The following ALK variants were observed in gnomAD, a reference collection of about 807,000 sequenced individuals.
ALK encodes ALK receptor tyrosine kinase.
In ALK, 74 loss-of-function variants were observed where a neutral mutation model predicts 163.1. That is an observed-to-expected ratio of 0.45 (90% CI 0.38 to 0.55). ALK has a LOEUF of 0.55. Ranked by LOEUF, ALK falls within the 20% of genes least tolerant of loss-of-function variation. ALK has a pLI of 0.00. For synonymous variants in ALK, 960 were observed against 843.2 expected (o/e 1.14, Z -2.40); for missense variants, 2,063 against 2,105.3 (o/e 0.98, Z 0.39).
intron 4 of ALK, among the ~76,000 whole-genome samples, chr2:29,457,899 C>T (rs1023315365): frequency 6.6e-6 from 1 of 152,124 alleles, no homozygotes; most frequent in Non-Finnish European, 1.5e-5. Flanking sequence ...TTCACACATA[C>T]TTTTCTCCTG....
At chr2:29,870,564 GAAATAGTTAAGC>G (rs1369802118) in intron 1 of ALK, among the ~76,000 whole-genome samples, 1 of 151,770 alleles carries the variant, frequency 6.6e-6, no homozygotes, top group Non-Finnish European at 1.5e-5. Flanking sequence ...CACCATTAAA[GAAATAGTTAAGC>G]AAATTATGAT....
At chr2:29,729,135 T>C (rs1351462204) in intron 1 of ALK, among the ~76,000 whole-genome samples, 1 of 152,210 alleles carries the variant, frequency 6.6e-6, no homozygotes. Flanking sequence ...CCCCTCGCTC[T>C]GAAACCTGAA....
intron 4 of ALK, among the ~76,000 whole-genome samples, chr2:29,505,686 C>T (rs1672299644): frequency 6.6e-6 from 1 of 151,778 alleles, no homozygotes; most frequent in African/African-American, 2.4e-5. Context: ...TAAATGGGTG[C>T]AGGGCAGCCC....
intron 1 of ALK, among the ~76,000 whole-genome samples, chr2:29,871,097 T>A (rs1415486500): frequency 6.6e-6 from 1 of 152,188 alleles, no homozygotes. Context: ...TCAACACGCA[T>A]GAACCTTGGT....
At chr2:29,456,033 AAAC>A (rs1172962123) in intron 4 of ALK, among the ~76,000 whole-genome samples, 3 of 152,160 alleles carry the variant, frequency 2.0e-5, no homozygotes, top group African/African-American at 4.8e-5. Flanking sequence ...TATTATCAAT[AAAC>A]AACAACAACA....
intron 2 of ALK, among the ~76,000 whole-genome samples, chr2:29,715,719 A>G (rs976044862): frequency 2.0e-5 from 3 of 152,248 alleles, no homozygotes; most frequent in Non-Finnish European, 2.9e-5. Flanking sequence ...TGTTACCTGA[A>G]GACCAGTTGT....
intron 3 of ALK, among the ~76,000 whole-genome samples, chr2:29,582,088 T>C (rs992938178): frequency 7.9e-5 from 12 of 152,166 alleles, no homozygotes; most frequent in African/African-American, 2.9e-4. Context: ...GACAAAGAAA[T>C]ATCTCCCACT....
At chr2:29,408,248 A>AT (rs538076266) in intron 4 of ALK, among the ~76,000 whole-genome samples, 1,758 of 140,954 alleles carry the variant, frequency 0.012, 31 homozygotes, top group African/African-American at 0.035. Flanking sequence ...ACACCTGGCT[A>AT]TTTTTTTTTT....
chr2:29,842,159 G>A (rs1286328932), intron 1 of ALK, among the ~76,000 whole-genome samples: 2 of 151,946 alleles, frequency 1.3e-5, no homozygotes, highest in African/African-American at 4.8e-5. Flanking sequence ...GCCTTAAGAA[G>A]CCTGTAGTGT....
At chr2:29,877,432 A>T (rs575457056) in intron 1 of ALK, among the ~76,000 whole-genome samples, 2 of 152,176 alleles carry the variant, frequency 1.3e-5, no homozygotes, top group East Asian at 3.9e-4. Context: ...CCTGACCCTT[A>T]CCAGCATGTA....
At chr2:29,398,767 T>C (rs1385954354) in intron 4 of ALK, among the ~76,000 whole-genome samples, 1 of 152,178 alleles carries the variant, frequency 6.6e-6, no homozygotes, top group Non-Finnish European at 1.5e-5. Context: ...GCTGGAAAGA[T>C]GGAATCTGGC....
At chr2:29,848,140 T>C (rs4074253) in intron 1 of ALK, among the ~76,000 whole-genome samples, 73,306 of 151,806 alleles carry the variant, frequency 0.48, 17,805 homozygotes, top group Middle Eastern at 0.52. Context: ...TGTGAATAGG[T>C]CTTAGTGCCT....
At chr2:29,464,706 G>C (rs1671166521) in intron 4 of ALK, among the ~76,000 whole-genome samples, 1 of 152,152 alleles carries the variant, frequency 6.6e-6, no homozygotes, top group Admixed American at 6.5e-5. Flanking sequence ...CGTGATTTTT[G>C]TTGTCAGAAA....
intron 4 of ALK, among the ~76,000 whole-genome samples, chr2:29,460,251 G>A (rs776168822): frequency 4.1e-4 from 62 of 152,244 alleles, no homozygotes; most frequent in Middle Eastern, 3.4e-3. Context: ...TGAAAAAATC[G>A]TTTGAAATAC....
intron 1 of ALK, among the ~76,000 whole-genome samples, chr2:29,846,082 G>A (rs537460078): frequency 5.1e-4 from 78 of 152,324 alleles, no homozygotes; most frequent in African/African-American, 1.8e-3. Flanking sequence ...GGGCTTGGGA[G>A]TGTGATGTTC....
At chr2:29,388,989 A>T (rs1669096690) in intron 4 of ALK, among the ~76,000 whole-genome samples, 1 of 152,228 alleles carries the variant, frequency 6.6e-6, no homozygotes, top group Non-Finnish European at 1.5e-5. Flanking sequence ...TCTCACTTAG[A>T]GTAAAAGCTT....
intron 3 of ALK, among the ~76,000 whole-genome samples, chr2:29,655,690 G>T (rs751793149): frequency 6.6e-6 from 1 of 152,146 alleles, no homozygotes; most frequent in Non-Finnish European, 1.5e-5. Flanking sequence ...CAGAGATCAG[G>T]CTCATTTAAA....
chr2:29,783,036 G>C (rs892812142), intron 1 of ALK, among the ~76,000 whole-genome samples: 2 of 152,160 alleles, frequency 1.3e-5, no homozygotes, highest in Non-Finnish European at 2.9e-5. Context: ...TCTGTTTCTA[G>C]GCTGTTCAAA....
At chr2:29,743,817 A>G (rs909621902) in intron 1 of ALK, among the ~76,000 whole-genome samples, 2 of 152,136 alleles carry the variant, frequency 1.3e-5, no homozygotes, top group African/African-American at 2.4e-5. Flanking sequence ...TCTTTAGGGC[A>G]CAGGTTCTAA....
Sources: gnomAD v4.1 joint callset for allele counts (sites outside exome capture counted in the v4.1 genomes callset) on GRCh38, gnomAD v4.1.1 for gene constraint, MANE v1.5 for transcripts, NCBI Gene and HGNC (gene_info 2026-07-23, HGNC 2026-07-21) for gene names.